The following PC variants were observed in gnomAD, a reference collection of about 807,000 sequenced individuals.
The protein encoded by PC is pyruvate carboxylase.
A neutral mutation model predicts 107.8 loss-of-function variants in PC; 46 were observed. The observed-to-expected ratio is 0.43, with a 90% CI of 0.34 to 0.55. The LOEUF is 0.55. Ranked by LOEUF, PC falls within the 20% of genes least tolerant of loss-of-function variation. The probability of loss-of-function intolerance (pLI) is 0.04; values close to 1 mark genes in which losing one functional copy is unlikely to be tolerated. For synonymous variants in PC, 662 were observed against 684.7 expected (o/e 0.97, Z 0.52); for missense variants, 1,241 against 1,643.1 (o/e 0.76, Z 4.23).
chr11:66,939,160 T>C (rs917326019), intron 3 of PC, among the ~76,000 whole-genome samples: 13 of 151,990 alleles, frequency 8.6e-5, no homozygotes, highest in African/African-American at 3.1e-4. Flanking sequence ...ATCAAAAATA[T>C]TCGAAAAAGC....
At chr11:66,920,764 G>A (rs1024406971) in intron 3 of PC, among the ~76,000 whole-genome samples, 7 of 152,238 alleles carry the variant, frequency 4.6e-5, no homozygotes, top group African/African-American at 1.7e-4. Context: ...CAGGCATGAG[G>A]CTGGGCGTGG....
rs1338926475 is a variant in PC, at chr11:66,852,261, T to C, written c.1825+178A>G. Among the ~76,000 whole-genome samples, 1 of 152,270 alleles carries C rather than the reference T, an allele frequency of 6.6e-6. No homozygotes were observed. The highest frequency in any genetic ancestry group is 1.5e-5 in the Non-Finnish European group (1 of 68,046). On this transcript the variant is annotated intron_variant, in intron 15 of 22. Transcript: ENST00000393960. This position sits in a 1 kb window ranked among gnomAD's most constrained non-coding sequence, Gnocchi z 4.7. The stretch of plus-strand genomic sequence containing the variant: ...CCCAGGATGCACCTGGTCTCAGCTC[T>C]GCAACCTCGTGCCGGCACCAGGCCT...
In PC at chr11:66,897,318, C is replaced by T. The variant is rs184593049; in HGVS notation, c.1-25159G>A. ...GGGTGCAGTGGCTCACACCTATAAT[C>T]CCAGCACTTTGGGAGGCCGAAGCAG... is the stretch of plus-strand genomic sequence containing the variant. On this transcript the variant is annotated intron_variant, in intron 3 of 22. Transcript: ENST00000393960. 3.2e-4 allele frequency among the ~76,000 whole-genome samples: 48 copies of T among 152,278 alleles called. 1 individual carries two copies. The East Asian group carries it at 8.7e-3, about 28-fold the overall frequency.
rs1326703962 is a variant in PC at position 66,853,327 on chromosome 11, AGT to A, written c.1423_1424del (p.Thr475CysfsTer76). The A allele has an allele frequency of 1.2e-6, 2 of 1,608,318 alleles. No homozygotes were observed. Among genetic ancestry groups the A allele is most frequent in the East Asian group, 4.5e-5 (2 of 44,558 alleles). On this transcript the variant is annotated frameshift_variant, in exon 13 of 23. Transcript: ENST00000393960. LOFTEE classifies it high-confidence loss of function. ...TCTCGTCGATGAACTGGGTGTCCAC[AGT>A]GCCTGCCAGGAACTGCTGGTTGTTG... ...VLNNQQFLAG[T>X]VDTQFIDENP...
In PC at chr11:66,945,424, GGC is replaced by G. The variant is rs1163490856; in HGVS notation, c.-1+7004_-1+7005del. Among the ~76,000 whole-genome samples, 31 of 96,720 alleles carry G rather than the reference GGC, an allele frequency of 3.2e-4. 8 individuals carry two copies. Among genetic ancestry groups the G allele is most frequent in the African/African-American group, 1.2e-3 (29 of 24,414 alleles). The allele number at this position is 96,720 out of a possible 152,430, so 63.5% of individuals were successfully genotyped here. On this transcript the variant is annotated intron_variant, in intron 3 of 22. Transcript: ENST00000393960. ...TAACTGAATTCAAATGGTTTGGGGG[GGC>G]GGGTCGGAACTGCAGAGTTACATGA...
At chr11:66,911,052 G>T (rs1948321411) in intron 3 of PC, among the ~76,000 whole-genome samples, 1 of 152,204 alleles carries the variant, frequency 6.6e-6, no homozygotes, top group Non-Finnish European at 1.5e-5. Flanking sequence ...ACCCAATGAG[G>T]TAACGTATTT....
Position 66,857,021 on chromosome 11 carries a change from T to A in PC, c.1369-3638A>T, listed in dbSNP as rs1331493319. 6.9e-6 allele frequency: 1 copy of A among 145,152 alleles called. No homozygotes were observed. The highest frequency in any genetic ancestry group is 1.5e-5 in the Non-Finnish European group (1 of 65,572). 9.0% of individuals were successfully genotyped at this position (145,152 alleles called of 1,614,324 possible). A position where few individuals can be genotyped will look rare whatever the true frequency, so the allele number is the denominator to read the frequency against. ...GCCCGGGTGGATCCCCGCGCGCCCCTCCCCGTCCGCCCTCCACGTGCGTGT... is the reference window on the plus strand; with the variant it reads ...GCCCGGGTGGATCCCCGCGCGCCCCACCCCGTCCGCCCTCCACGTGCGTGT... On this transcript the variant is annotated intron_variant, in intron 12 of 22. Transcript: ENST00000393960. The surrounding 1 kb of genome is among the most constrained non-coding windows in gnomAD (Gnocchi z 7.1).
intron 3 of PC, among the ~76,000 whole-genome samples, chr11:66,872,792 T>C (rs969038414): frequency 1.3e-5 from 2 of 151,358 alleles, no homozygotes; most frequent in Non-Finnish European, 1.5e-5. Flanking sequence ...TCCCAGCACT[T>C]TGGGAGGCTG....
intron 12 of PC, among the ~76,000 whole-genome samples, chr11:66,862,566 A>G (rs1946316693): frequency 6.6e-6 from 1 of 152,192 alleles, no homozygotes. Context: ...GGGACCCCCA[A>G]GAAGAAGATG....
At chr11:66,869,021 C>T in intron 9 of PC, 57 bp from the exon 10 acceptor site, 2 of 1,319,620 alleles carry the variant, frequency 1.5e-6, no homozygotes, top group South Asian at 1.2e-5. Context: ...GGCAAACTCA[C>T]TGGACTCAGG....
At chr11:66,859,981 G>A (rs1490370054) in intron 12 of PC, 1 of 1,600,964 alleles carries the variant, frequency 6.2e-7, no homozygotes, top group East Asian at 2.2e-5. Context: ...GGAGGCCCCA[G>A]CCCCACACCC....
At chr11:66,932,912 G>T (rs1231618443) in intron 3 of PC, among the ~76,000 whole-genome samples, 2 of 152,102 alleles carry the variant, frequency 1.3e-5, no homozygotes, top group Non-Finnish European at 2.9e-5. Context: ...TCAAGAAGTA[G>T]TTGGGAGAAA....
chr11:66,877,111 C>T (rs188413128), intron 3 of PC, among the ~76,000 whole-genome samples: 2 of 152,192 alleles, frequency 1.3e-5, no homozygotes, highest in African/African-American at 2.4e-5. Flanking sequence ...CCCGGCCAGG[C>T]GCGGTGGCTC....
chr11:66,944,060 A>T (rs370443178), intron 3 of PC, among the ~76,000 whole-genome samples: 12,505 of 81,442 alleles, frequency 0.15, 1,333 homozygotes, highest in Non-Finnish European at 0.19. Flanking sequence ...GGCGGGCGGA[A>T]CACAAGGTCA....
chr11:66,913,064 G>A (rs1262023305), intron 3 of PC, among the ~76,000 whole-genome samples: 2 of 152,134 alleles, frequency 1.3e-5, no homozygotes, highest in Admixed American at 6.6e-5. Context: ...GTGAAACCCG[G>A]GTGGGAATGA....
At chr11:66,954,810 G>T (rs2136162984) in intron 1 of PC, among the ~76,000 whole-genome samples, 1 of 152,260 alleles carries the variant, frequency 6.6e-6, no homozygotes, top group East Asian at 1.9e-4. Context: ...CAGGCAAAGG[G>T]TTGGTGCCTG....
chr11:66,939,804 C>CAA (rs56761659), intron 3 of PC, among the ~76,000 whole-genome samples: 893 of 37,800 alleles, frequency 0.024, 12 homozygotes, highest in East Asian at 0.062. Context: ...AACTCCGTCT[C>CAA]AAAAAAAAAA....
chr11:66,930,910 A>G (rs1948830774), intron 3 of PC, among the ~76,000 whole-genome samples: 2 of 152,186 alleles, frequency 1.3e-5, no homozygotes, highest in Non-Finnish European at 2.9e-5. Context: ...GAACAGAGCC[A>G]TGTGCATCCA....
chr11:66,932,960 G>T (rs969519540), intron 3 of PC, among the ~76,000 whole-genome samples: 7 of 152,132 alleles, frequency 4.6e-5, no homozygotes, highest in Non-Finnish European at 1.0e-4. Flanking sequence ...TTTTGTGTCT[G>T]CTAGGAGAAT....
Sources: allele counts gnomAD v4.1 joint callset (sites outside exome capture counted in the v4.1 genomes callset), GRCh38; gene constraint gnomAD v4.1.1; non-coding constraint Gnocchi (gnomAD v3.1); transcripts MANE v1.5; gene names NCBI Gene and HGNC (gene_info 2026-07-23, HGNC 2026-07-21).